ANKS1A: variants seen among roughly 807,000 people sequenced by gnomAD.
ANKS1A encodes ankyrin repeat and sterile alpha motif domain containing 1A, also known as ankyrin repeat and SAM domain-containing protein 1A.
Under a neutral mutation model 120.3 loss-of-function variants are expected in ANKS1A, and 55 were observed. The observed-to-expected ratio is 0.46, with a 90% CI of 0.37 to 0.57. The LOEUF (loss-of-function observed/expected upper bound fraction) is 0.57. ANKS1A is among the 20% of genes least tolerant of loss of function. ANKS1A has a pLI of 0.00. For synonymous variants in ANKS1A, 590 were observed against 604.7 expected, an observed-to-expected ratio of 0.98 and a Z score of 0.36; for missense variants, 1,123 against 1,480.3, an observed-to-expected ratio of 0.76 and a Z score of 3.96.
chr6:35,065,415 G>T (rs1228693598), intron 13 of ANKS1A, among the ~76,000 whole-genome samples: 2 of 152,212 alleles, frequency 1.3e-5, no homozygotes, highest in Non-Finnish European at 2.9e-5. Flanking sequence ...AGTTGGACTG[G>T]CTGACAGATC....
At chr6:34,989,434 A>C in intron 9 of ANKS1A, 118 bp downstream of exon 9, 3 of 918,346 alleles carry the variant, frequency 3.3e-6, no homozygotes, top group Admixed American at 4.5e-5. Context: ...TGGATTATAA[A>C]TTTGTATTAT....
At chr6:34,894,840 T>C (rs1288123607) in intron 1 of ANKS1A, among the ~76,000 whole-genome samples, 1 of 152,136 alleles carries the variant, frequency 6.6e-6, no homozygotes, top group Non-Finnish European at 1.5e-5. Context: ...TGTTATGGTT[T>C]AGGAATATTT....
At chr6:35,093,467 C>A (rs1288862301), downstream of ANKS1A, among the ~76,000 whole-genome samples, 1 of 151,824 alleles carries the variant, frequency 6.6e-6, no homozygotes, top group African/African-American at 2.4e-5. Flanking sequence ...GTTATAAAAC[C>A]CTGAATCCAT....
chr6:35,003,083 C>T (rs988588183), intron 10 of ANKS1A, among the ~76,000 whole-genome samples: 1 of 151,590 alleles, frequency 6.6e-6, no homozygotes, highest in African/African-American at 2.4e-5. Context: ...TCCTACTGCC[C>T]ATAAAAACAG....
chr6:34,985,481 A>G (rs1772147809), intron 8 of ANKS1A, among the ~76,000 whole-genome samples: 1 of 152,192 alleles, frequency 6.6e-6, no homozygotes, highest in Admixed American at 6.5e-5. Flanking sequence ...CACTGAGGTT[A>G]GAGTTTCATT....
intron 11 of ANKS1A, among the ~76,000 whole-genome samples, chr6:35,051,339 G>A (rs1457702047): frequency 1.3e-5 from 2 of 152,244 alleles, no homozygotes; most frequent in Non-Finnish European, 2.9e-5. Context: ...ATGCCAAAAG[G>A]CCCTTCGGCA....
At chr6:34,937,038 C>A (rs1353757529) in intron 1 of ANKS1A, among the ~76,000 whole-genome samples, 1 of 152,104 alleles carries the variant, frequency 6.6e-6, no homozygotes, top group African/African-American at 2.4e-5. Context: ...CATTCCTATA[C>A]ATACATACAT....
In ANKS1A at chr6:35,078,553, C is replaced by G; in HGVS notation, c.2185-5C>G. Reference sequence around the variant, plus strand: ...GGGCCCTGACATCCACCTTTCTGCTCTCAGGGGTCTAATGTGATGGAAGAG... The same window carrying G: ...GGGCCCTGACATCCACCTTTCTGCTGTCAGGGGTCTAATGTGATGGAAGAG... On this transcript the variant is annotated splice_region_variant and splice_polypyrimidine_tract_variant and intron_variant, in intron 13 of 23. Coordinates refer to ENST00000360359, the MANE Select transcript of ANKS1A (RefSeq NM_015245.3). The G allele has an allele frequency of 6.2e-7, 1 of 1,611,174 alleles. No individual in the cohort carries two copies. Among genetic ancestry groups the G allele is most frequent in the African/African-American group, 1.3e-5 (1 of 75,048 alleles).
intron 1 of ANKS1A, among the ~76,000 whole-genome samples, chr6:34,895,816 GTC>G (rs912478697): frequency 2.0e-5 from 2 of 101,540 alleles, no homozygotes; most frequent in Admixed American, 1.5e-4. Context: ...CTGAGACAGT[GTC>G]TCTCTCTCTC....
intron 13 of ANKS1A, among the ~76,000 whole-genome samples, chr6:35,076,175 G>A (rs887442227): frequency 1.3e-5 from 2 of 152,184 alleles, no homozygotes; most frequent in African/African-American, 4.8e-5. Context: ...TGTAATCCCA[G>A]CACTTTGGGA....
intron 3 of ANKS1A, among the ~76,000 whole-genome samples, chr6:34,972,955 A>T (rs143936432): frequency 5.7e-4 from 87 of 152,336 alleles, no homozygotes; most frequent in African/African-American, 2.0e-3. Context: ...GATTCTTAAA[A>T]TTTTTTAAAT....
chr6:34,912,739 A>T (rs1180781774), intron 1 of ANKS1A, among the ~76,000 whole-genome samples: 1 of 151,382 alleles, frequency 6.6e-6, no homozygotes, highest in African/African-American at 2.4e-5. Context: ...TACTGTGGTT[A>T]GATGGTCATT....
At chr6:35,036,780 A>T (rs1244853456) in intron 11 of ANKS1A, among the ~76,000 whole-genome samples, 1 of 152,216 alleles carries the variant, frequency 6.6e-6, no homozygotes. Flanking sequence ...GTGGTGCCTT[A>T]CAGCAGTGGT....
chr6:34,952,929 C>T (rs907714527), intron 1 of ANKS1A, among the ~76,000 whole-genome samples: 6 of 152,068 alleles, frequency 3.9e-5, no homozygotes, highest in Non-Finnish European at 7.4e-5. Context: ...AGGCTGGTCT[C>T]GAACTCCTGA....
At chr6:35,093,678 C>T (rs1257844462), downstream of ANKS1A, among the ~76,000 whole-genome samples, 2 of 152,106 alleles carry the variant, frequency 1.3e-5, no homozygotes, top group African/African-American at 4.8e-5. Context: ...GCTCTTCCCA[C>T]TAAGTACGAT....
At chr6:35,015,335 A>G (rs1773944046) in intron 10 of ANKS1A, among the ~76,000 whole-genome samples, 1 of 152,200 alleles carries the variant, frequency 6.6e-6, no homozygotes, top group Non-Finnish European at 1.5e-5. Flanking sequence ...CGTCTCTACT[A>G]AAAATACAAT....
At chr6:34,955,425 C>G (rs1213544217) in intron 1 of ANKS1A, among the ~76,000 whole-genome samples, 1 of 152,216 alleles carries the variant, frequency 6.6e-6, no homozygotes, top group African/African-American at 2.4e-5. Context: ...GCGTGAGCCA[C>G]CACGCCTGGC....
chr6:34,941,878 C>T (rs953107999), intron 1 of ANKS1A, among the ~76,000 whole-genome samples: 12 of 152,152 alleles, frequency 7.9e-5, no homozygotes, highest in African/African-American at 1.9e-4. Context: ...TGACAATGTA[C>T]GATGTACTGT....
chr6:34,902,797 C>T (rs1306936285), intron 1 of ANKS1A, among the ~76,000 whole-genome samples: 2 of 130,282 alleles, frequency 1.5e-5, no homozygotes, highest in Non-Finnish European at 3.3e-5. Flanking sequence ...AGCAAGACTC[C>T]GTCTCAAAAA....
Sources: allele counts gnomAD v4.1 joint callset (sites outside exome capture counted in the v4.1 genomes callset), GRCh38; gene constraint gnomAD v4.1.1; transcripts MANE v1.5; gene names NCBI Gene and HGNC (gene_info 2026-07-23, HGNC 2026-07-21).